DCAF8: variants seen among roughly 807,000 people sequenced by gnomAD.
The protein encoded by DCAF8 is DDB1 and CUL4 associated factor 8.
Under a neutral mutation model 68.0 loss-of-function variants are expected in DCAF8, and 20 were observed. The ratio of observed to expected loss-of-function variants is 0.29; its 90% CI spans 0.21 to 0.43. The LOEUF (loss-of-function observed/expected upper bound fraction) is 0.43. DCAF8 is among the 20% of genes least tolerant of loss of function. The pLI is 1.00. For missense variants in DCAF8, 460 were observed against 771.0 expected, an observed-to-expected ratio of 0.60 and a Z score of 4.78; for synonymous variants, 230 against 276.9, an observed-to-expected ratio of 0.83 and a Z score of 1.68.
intron 2 of DCAF8, among the ~76,000 whole-genome samples, 173 bp from the exon 3 acceptor site, chr1:160,244,207 TC>T (rs1656230903): frequency 6.6e-6 from 1 of 152,248 alleles, no homozygotes; most frequent in African/African-American, 2.4e-5. Context: ...CCTTATGTTT[TC>T]TTCCCTATGT....
At chr1:160,221,817 CAAAAAAAAAA>C (rs58539770) in intron 11 of DCAF8, among the ~76,000 whole-genome samples, 43 of 62,172 alleles carry the variant, frequency 6.9e-4, no homozygotes, top group Non-Finnish European at 2.1e-4. Flanking sequence ...TTCTAGGTCT[CAAAAAAAAAA>C]AAAAAAAAAA....
intron 3 of DCAF8, among the ~76,000 whole-genome samples, chr1:160,241,447 G>A (rs1428952303): frequency 6.6e-6 from 1 of 152,108 alleles, no homozygotes; most frequent in Non-Finnish European, 1.5e-5. Context: ...TGCCTAAGAC[G>A]AAAGTTCAGT....
intron 9 of DCAF8, 65 bp downstream of exon 9, chr1:160,224,997 C>T: frequency 6.5e-7 from 1 of 1,527,996 alleles, no homozygotes; most frequent in Non-Finnish European, 9.1e-7. Context: ...ACATGCCTCA[C>T]TGGCTCAGCA....
intron 10 of DCAF8, 129 bp from the exon 11 acceptor site, chr1:160,222,910 A>G (rs1222906465): frequency 7.5e-7 from 1 of 1,330,010 alleles, no homozygotes; most frequent in African/African-American, 1.4e-5. Flanking sequence ...ACAGATAGTT[A>G]TAGGAATCAC....
chr1:160,239,398 G>A, intron 4 of DCAF8: 1 of 1,413,052 alleles, frequency 7.1e-7, no homozygotes, highest in East Asian at 2.5e-5. Flanking sequence ...GCTAGGATTT[G>A]AACTCAGGCA....
intron 13 of DCAF8, 129 bp from the exon 14 acceptor site, chr1:160,217,837 A>G: frequency 1.5e-6 from 1 of 678,806 alleles, no homozygotes; most frequent in Non-Finnish European, 2.6e-6. Context: ...CCAGAGAGTA[A>G]ATACTTTAGA....
In DCAF8 at chr1:160,244,070, G is replaced by A. The variant is rs544497321; in HGVS notation, c.-26-36C>T. Reference sequence around the variant, plus strand: ...GAGAGGAAGAAACCAAAACAATTAGGAAACCACCTGGGAAAGAAGACAATA... The same window carrying A: ...GAGAGGAAGAAACCAAAACAATTAGAAAACCACCTGGGAAAGAAGACAATA... On this transcript the variant is annotated intron_variant, in intron 2 of 13. Transcript: ENST00000368074. The A allele has an allele frequency of 4.3e-5, 64 of 1,489,236 alleles. No homozygotes were observed. In the African/African-American group the frequency reaches 7.9e-4, roughly 18 times the overall value. The allele number at this position is 1,489,236 out of a possible 1,614,324, so 92.3% of individuals were successfully genotyped here. A position where few individuals can be genotyped will look rare whatever the true frequency, so the allele number is the denominator to read the frequency against.
chr1:160,262,390 G>T, intron 1 of DCAF8, 59 bp downstream of exon 1: 1 of 399,688 alleles, frequency 2.5e-6, no homozygotes, highest in South Asian at 1.3e-4. Flanking sequence ...CGGCTGCTCC[G>T]ACTGTTCCAG....
chr1:160,251,506 G>T (rs942814227), intron 2 of DCAF8, among the ~76,000 whole-genome samples: 2 of 151,710 alleles, frequency 1.3e-5, no homozygotes, highest in South Asian at 2.1e-4. Flanking sequence ...ACAGGGTCTC[G>T]CTGTTGTCCA....
chr1:160,248,414 A>G (rs1449625307), intron 2 of DCAF8, among the ~76,000 whole-genome samples: 1 of 152,216 alleles, frequency 6.6e-6, no homozygotes, highest in Non-Finnish European at 1.5e-5. Context: ...GATCAAGGAC[A>G]GTAACCAGAA....
rs1656229259 is a variant in DCAF8 at position 160,244,163 on chromosome 1, T to C, written c.-26-129A>G. On this transcript the variant is annotated intron_variant, in intron 2 of 13. Coordinates refer to ENST00000368074, the MANE Select transcript of DCAF8 (RefSeq NM_015726.4). The stretch of plus-strand genomic sequence containing the variant: ...TAAAAATGATTTGTGTATGCATGCT[T>C]AACAGGTCTTCTCAGCTTGTGAAAT... 20 of 672,980 alleles carry C rather than the reference T, an allele frequency of 3.0e-5. 1 individual carries two copies. The South Asian group carries it at 3.8e-4, about 13-fold the overall frequency. The allele number at this position is 672,980 out of a possible 1,614,324, so 41.7% of individuals were successfully genotyped here. A position where few individuals can be genotyped will look rare whatever the true frequency, so the allele number is the denominator to read the frequency against.
intron 2 of DCAF8, among the ~76,000 whole-genome samples, chr1:160,251,311 C>A (rs946191677): frequency 6.6e-6 from 1 of 152,182 alleles, no homozygotes; most frequent in Admixed American, 6.5e-5. Flanking sequence ...CACAGTCCAT[C>A]TGGTATCAAC....
intron 7 of DCAF8, among the ~76,000 whole-genome samples, chr1:160,228,647 C>CT (rs896324152): frequency 1.7e-4 from 25 of 146,726 alleles, no homozygotes; most frequent in South Asian, 1.3e-3. Flanking sequence ...AAAAGCATGT[C>CT]TCCCCAGAGC....
chr1:160,258,734 A>G (rs1162860887), intron 2 of DCAF8, among the ~76,000 whole-genome samples: 1 of 148,218 alleles, frequency 6.7e-6, no homozygotes, highest in Non-Finnish European at 1.5e-5. Context: ...TAGGCAACAA[A>G]GTGAGACCCT....
intron 4 of DCAF8, chr1:160,239,401 C>T: frequency 4.2e-6 from 6 of 1,414,288 alleles, no homozygotes; most frequent in South Asian, 3.2e-5. Context: ...AGGATTTGAA[C>T]TCAGGCAGTT....
chr1:160,259,977 C>T (rs540001660), intron 2 of DCAF8, among the ~76,000 whole-genome samples: 26 of 150,782 alleles, frequency 1.7e-4, no homozygotes, highest in Non-Finnish European at 3.5e-4. Flanking sequence ...CTAAGCTGAC[C>T]AATTAAAAAT....
At chr1:160,236,198 T>C (rs1655868750) in intron 6 of DCAF8, among the ~76,000 whole-genome samples, 2 of 151,814 alleles carry the variant, frequency 1.3e-5, no homozygotes, top group South Asian at 4.1e-4. Flanking sequence ...ATAATTATAA[T>C]TATAAGCTAA....
At chr1:160,229,859 T>C (rs1655612645) in intron 7 of DCAF8, among the ~76,000 whole-genome samples, 1 of 152,072 alleles carries the variant, frequency 6.6e-6, no homozygotes, top group Non-Finnish European at 1.5e-5. Flanking sequence ...TCGGTTCTAC[T>C]GAAAATACAA....
intron 13 of DCAF8, 75 bp downstream of exon 13, chr1:160,218,249 A>G (rs1248696792): frequency 1.8e-6 from 2 of 1,103,506 alleles, no homozygotes; most frequent in African/African-American, 3.1e-5. Flanking sequence ...TACTGCTTGA[A>G]GTCACTACTC....
Sources: gnomAD v4.1 joint callset for allele counts (sites outside exome capture counted in the v4.1 genomes callset) on GRCh38, gnomAD v4.1.1 for gene constraint, MANE v1.5 for transcripts, NCBI Gene and HGNC (gene_info 2026-07-23, HGNC 2026-07-21) for gene names.